The following COL4A4 variants were observed in gnomAD, a reference collection of about 807,000 sequenced individuals.
COL4A4 encodes collagen type IV alpha 4 chain, also known as collagen alpha-4(IV) chain.
COL4A4 carries 105 observed loss-of-function variants against 192.9 expected under a neutral mutation model. The observed-to-expected ratio is 0.54, with a 90% CI of 0.46 to 0.64. COL4A4 has a LOEUF of 0.64. Among genes scored for constraint, COL4A4 ranks in the 30% least tolerant of loss-of-function variants. The pLI, the probability that COL4A4 is intolerant of heterozygous loss-of-function variation, is 0.00. For synonymous variants in COL4A4, 762 were observed against 769.9 expected (o/e 0.99, Z 0.17); for missense variants, 1,967 against 2,169.3 (o/e 0.91, Z 1.85).
At chr2:226,979,598 GGA>G in the COL4A4 span, among the ~76,000 whole-genome samples, 1 of 152,190 alleles carries the variant, frequency 6.6e-6, no homozygotes, top group Non-Finnish European at 1.5e-5. Context: ...CCGCACAGGA[GGA>G]GAGAGGAAGA....
intron 1 of COL4A4, among the ~76,000 whole-genome samples, chr2:227,161,182 A>C (rs544829771): frequency 2.0e-5 from 3 of 152,242 alleles, no homozygotes; most frequent in Non-Finnish European, 4.4e-5. Flanking sequence ...AAACAGTAAC[A>C]GCCTCACTCA....
At chr2:227,121,877 A>T (rs896970199) in intron 4 of COL4A4, among the ~76,000 whole-genome samples, 1 of 152,234 alleles carries the variant, frequency 6.6e-6, no homozygotes, top group African/African-American at 2.4e-5. Context: ...GAAACTAAAA[A>T]ATCAAAGTTT....
chr2:227,028,655 T>G (rs1425787132), intron 41 of COL4A4, among the ~76,000 whole-genome samples: 1 of 146,836 alleles, frequency 6.8e-6, no homozygotes, highest in Non-Finnish European at 1.5e-5. Flanking sequence ...TTATTATTAT[T>G]ATTATTATTA....
At chr2:227,120,822 C>T (rs533268010) in intron 5 of COL4A4, 192 bp downstream of exon 5, 1 of 638,328 alleles carries the variant, frequency 1.6e-6, no homozygotes, top group African/African-American at 1.8e-5. Flanking sequence ...GCCTGTAATC[C>T]CAGCTACTTG....
the COL4A4 span, among the ~76,000 whole-genome samples, chr2:226,993,238 ACTCTGTGTTTCC>A: frequency 6.6e-6 from 1 of 152,064 alleles, no homozygotes; most frequent in East Asian, 1.9e-4. Context: ...ACACCAGAGG[ACTCTGTGTTTCC>A]CTCTGGGAGT....
At chr2:227,025,850 A>G (rs1966844482) in intron 42 of COL4A4, 40 bp from the exon 43 acceptor site, 2 of 1,601,514 alleles carry the variant, frequency 1.2e-6, no homozygotes, top group East Asian at 2.2e-5. Flanking sequence ...CCAGTCCATG[A>G]TTTTCACAGG....
rs1474015693 is a variant in COL4A4, at chr2:227,006,567, G to C, written c.*758C>G. On this transcript the variant is annotated 3_prime_UTR_variant, in exon 48 of 48. Transcript: ENST00000396625. ...TATTGAATATTTTTTTTCCATAATT[G>C]CTACTTTTCAAAAGGGTTGCCAAAG... 1 of 151,280 alleles carries C rather than the reference G, an allele frequency of 6.6e-6. No homozygotes were observed. The highest frequency in any genetic ancestry group is 1.5e-5 in the Non-Finnish European group (1 of 67,866). 9.4% of individuals were successfully genotyped at this position (151,280 alleles called of 1,614,324 possible).
At chr2:227,161,184 CCTCA>C (rs1190506778) in intron 1 of COL4A4, among the ~76,000 whole-genome samples, 1 of 152,214 alleles carries the variant, frequency 6.6e-6, no homozygotes, top group East Asian at 1.9e-4. Context: ...ACAGTAACAG[CCTCA>C]CTCATTCATT....
chr2:227,131,686 G>A (rs1196473223), intron 4 of COL4A4, among the ~76,000 whole-genome samples: 3 of 152,188 alleles, frequency 2.0e-5, no homozygotes, highest in South Asian at 2.1e-4. Flanking sequence ...TGCCTTAGAC[G>A]GCAAAAGACC....
At chr2:227,061,606 T>C (rs1036041567) in intron 26 of COL4A4, among the ~76,000 whole-genome samples, 1 of 152,208 alleles carries the variant, frequency 6.6e-6, no homozygotes, top group Non-Finnish European at 1.5e-5. Context: ...CACTGAGATT[T>C]TGAGATTATT....
intron 43 of COL4A4, among the ~76,000 whole-genome samples, chr2:227,023,126 C>T (rs1435139775): frequency 6.6e-6 from 1 of 151,946 alleles, no homozygotes; most frequent in Non-Finnish European, 1.5e-5. Flanking sequence ...AGGCTGATGG[C>T]GTTGATCTGG....
At chr2:227,118,269 T>G (rs1302115810) in intron 7 of COL4A4, among the ~76,000 whole-genome samples, 1 of 152,192 alleles carries the variant, frequency 6.6e-6, no homozygotes, top group African/African-American at 2.4e-5. Context: ...GTTTCTGCAA[T>G]TAACCCTGAA....
chr2:227,104,494 A>G (rs2060705780), intron 12 of COL4A4, among the ~76,000 whole-genome samples: 1 of 150,792 alleles, frequency 6.6e-6, no homozygotes, highest in South Asian at 2.1e-4. Context: ...AGGCAGGAGA[A>G]TGGCATGAAC....
downstream of COL4A4, chr2:226,998,235 A>C (rs1959968825): frequency 6.6e-6 from 1 of 152,182 alleles, no homozygotes; most frequent in Non-Finnish European, 1.5e-5. Context: ...AAAGTTGTAC[A>C]TAATTGTTCA....
At chr2:227,000,449 T>TCAAA (rs1244430143), downstream of COL4A4, among the ~76,000 whole-genome samples, 2 of 152,208 alleles carry the variant, frequency 1.3e-5, no homozygotes, top group Non-Finnish European at 2.9e-5. Flanking sequence ...CCTACTTTTA[T>TCAAA]CAAACATAAA....
At chr2:227,088,522 G>A in intron 22 of COL4A4, 131 bp downstream of exon 22, 1 of 1,222,332 alleles carries the variant, frequency 8.2e-7, no homozygotes, top group East Asian at 2.3e-5. Context: ...CACCCATACA[G>A]AACTGCGAGT....
At chr2:227,111,511 G>A (rs1487748415) in intron 9 of COL4A4, among the ~76,000 whole-genome samples, 167 bp downstream of exon 9, 3 of 152,082 alleles carry the variant, frequency 2.0e-5, no homozygotes, top group East Asian at 1.9e-4. Context: ...CATGTTCTGT[G>A]GTCGCCATCT....
chr2:227,031,028 T>C (rs1217939092), intron 40 of COL4A4, among the ~76,000 whole-genome samples: 2 of 144,442 alleles, frequency 1.4e-5, no homozygotes, highest in Admixed American at 1.4e-4. Context: ...TGTGGATAGA[T>C]GGTTGGATGG....
rs1353268445 is a variant in COL4A4, at chr2:227,091,251, TATAG to T, written c.1370-1298_1370-1295del. Among the ~76,000 whole-genome samples, 3 of 104,000 alleles carry T rather than the reference TATAG, an allele frequency of 2.9e-5. No homozygotes were observed. The Admixed American group carries it at 2.9e-4, about 10-fold the overall frequency. 68.2% of individuals were successfully genotyped at this position (104,000 alleles called of 152,430 possible). A position where few individuals can be genotyped will look rare whatever the true frequency, so the allele number is the denominator to read the frequency against. On this transcript the variant is annotated intron_variant, in intron 20 of 47. Transcript: ENST00000396625. ...GAGAACACAGCAATTGAAAAACAGATATAGATATAGATATAGATATAGATATAGA... is the reference window on the plus strand; with the variant it reads ...GAGAACACAGCAATTGAAAAACAGATATATAGATATAGATATAGATATAGA...
Sources: gnomAD v4.1 joint callset for allele counts (sites outside exome capture counted in the v4.1 genomes callset) on GRCh38, gnomAD v4.1.1 for gene constraint, MANE v1.5 for transcripts, NCBI Gene and HGNC (gene_info 2026-07-23, HGNC 2026-07-21) for gene names.